Variants in CHCHD6 observed in about 807,000 individuals in gnomAD.
The protein encoded by CHCHD6 is coiled-coil-helix-coiled-coil-helix domain containing 6.
Under a neutral mutation model 32.3 loss-of-function variants are expected in CHCHD6, and 28 were observed. The observed-to-expected ratio is 0.87, with a 90% CI of 0.64 to 1.19. CHCHD6 has a LOEUF of 1.19. Ranked by LOEUF, CHCHD6 falls within the 50% of genes most tolerant of loss-of-function variation. The pLI, the probability that CHCHD6 is intolerant of heterozygous loss-of-function variation, is 0.00. For synonymous variants in CHCHD6, 122 were observed against 117.5 expected (o/e 1.04, Z -0.25); for missense variants, 333 against 307.0 (o/e 1.08, Z -0.63).
At chr3:126,748,511 C>G (rs960257097) in intron 4 of CHCHD6, among the ~76,000 whole-genome samples, 1 of 151,108 alleles carries the variant, frequency 6.6e-6, no homozygotes, top group African/African-American at 2.4e-5. Context: ...AGGAGACTTG[C>G]TTGAACCCGG....
chr3:126,731,295 A>C (rs1312163037), intron 3 of CHCHD6, among the ~76,000 whole-genome samples: 2 of 152,000 alleles, frequency 1.3e-5, no homozygotes, highest in African/African-American at 4.8e-5. Context: ...AGCACAGGCC[A>C]CGACCCCAAG....
chr3:126,957,220 G>A (rs2078798000), intron 6 of CHCHD6, 196 bp from the exon 7 acceptor site: 6 of 643,694 alleles, frequency 9.3e-6, no homozygotes, highest in Admixed American at 2.6e-5. Flanking sequence ...ACCCACCACA[G>A]GGCTTGACCC....
At chr3:126,769,229 C>T (rs1937495884) in intron 4 of CHCHD6, among the ~76,000 whole-genome samples, 1 of 152,156 alleles carries the variant, frequency 6.6e-6, no homozygotes, top group African/African-American at 2.4e-5. Flanking sequence ...TTCAGTATCA[C>T]TCTTCTGCAT....
intron 6 of CHCHD6, among the ~76,000 whole-genome samples, chr3:126,922,958 G>A (rs1411740849): frequency 6.6e-6 from 1 of 152,228 alleles, no homozygotes; most frequent in Non-Finnish European, 1.5e-5. Flanking sequence ...GGTTCTGTGG[G>A]TGGTGGGGTG....
chr3:126,836,481 A>G (rs952661382), intron 4 of CHCHD6, among the ~76,000 whole-genome samples: 34 of 151,964 alleles, frequency 2.2e-4, no homozygotes, highest in African/African-American at 8.0e-4. Context: ...GCCCTTCATC[A>G]CCATCTGACA....
At chr3:126,741,292 T>C (rs973204235) in intron 4 of CHCHD6, among the ~76,000 whole-genome samples, 1 of 152,126 alleles carries the variant, frequency 6.6e-6, no homozygotes, top group Non-Finnish European at 1.5e-5. Flanking sequence ...CTTCCACCCA[T>C]GTCTCCATGA....
chr3:126,909,853 C>G (rs2078061354), intron 5 of CHCHD6, among the ~76,000 whole-genome samples: 5 of 152,210 alleles, frequency 3.3e-5, no homozygotes, highest in Admixed American at 3.3e-4. Flanking sequence ...CAGCAGGGCT[C>G]CTTTACAGGC....
chr3:126,944,829 T>A (rs1408124968), intron 6 of CHCHD6, among the ~76,000 whole-genome samples: 2 of 152,166 alleles, frequency 1.3e-5, no homozygotes, highest in Non-Finnish European at 2.9e-5. Context: ...TGGGGGCAGT[T>A]GATGACAATC....
chr3:126,781,102 T>C (rs942909820), intron 4 of CHCHD6, among the ~76,000 whole-genome samples: 1 of 152,160 alleles, frequency 6.6e-6, no homozygotes, highest in Admixed American at 6.5e-5. Context: ...CAGCTTCCCC[T>C]GAGGCTGCCA....
chr3:126,875,651 G>C (rs2077530681), intron 5 of CHCHD6, among the ~76,000 whole-genome samples: 1 of 152,186 alleles, frequency 6.6e-6, no homozygotes, highest in Non-Finnish European at 1.5e-5. Context: ...AAATAAACCA[G>C]GCAGTTTAGA....
intron 5 of CHCHD6, among the ~76,000 whole-genome samples, chr3:126,861,492 CACCCCT>C (rs1180248844): frequency 1.3e-5 from 2 of 151,754 alleles, no homozygotes; most frequent in East Asian, 1.9e-4. Context: ...TTTCCATTCC[CACCCCT>C]GCCCCTGCCA....
chr3:126,786,544 A>G (rs1938222019), intron 4 of CHCHD6, among the ~76,000 whole-genome samples: 1 of 152,032 alleles, frequency 6.6e-6, no homozygotes, highest in South Asian at 2.1e-4. Flanking sequence ...ATGGTATCTC[A>G]TTGTGGTTTT....
intron 5 of CHCHD6, among the ~76,000 whole-genome samples, chr3:126,895,309 C>T (rs183885791): frequency 6.6e-6 from 1 of 152,286 alleles, no homozygotes. Flanking sequence ...CCTCTGAGAG[C>T]TATTTAGAAG....
chr3:126,801,338 A>G (rs1409235766), intron 4 of CHCHD6, among the ~76,000 whole-genome samples: 1 of 152,230 alleles, frequency 6.6e-6, no homozygotes, highest in Non-Finnish European at 1.5e-5. Flanking sequence ...CGGCACCTGG[A>G]AAATCGGGTC....
At chr3:126,710,303 G>T (rs569917928) in intron 1 of CHCHD6, among the ~76,000 whole-genome samples, 1 of 152,248 alleles carries the variant, frequency 6.6e-6, no homozygotes, top group East Asian at 1.9e-4. Context: ...TGATCTTTAT[G>T]TCTGTCCTTA....
intron 5 of CHCHD6, among the ~76,000 whole-genome samples, chr3:126,895,257 G>A (rs564946403): frequency 2.0e-5 from 3 of 152,324 alleles, no homozygotes; most frequent in African/African-American, 7.2e-5. Context: ...ATGGTGAGGT[G>A]ACTTGCCGGA....
At chr3:126,781,665 C>A (rs1226115148) in intron 4 of CHCHD6, among the ~76,000 whole-genome samples, 1 of 152,232 alleles carries the variant, frequency 6.6e-6, no homozygotes, top group African/African-American at 2.4e-5. Context: ...GGCAGCCCTG[C>A]TTTCAGAGCC....
intron 5 of CHCHD6, among the ~76,000 whole-genome samples, chr3:126,894,094 T>G: frequency 6.6e-6 from 1 of 152,256 alleles, no homozygotes; most frequent in East Asian, 1.9e-4. Flanking sequence ...TTGTCCTTCC[T>G]TCAGCTGGGA....
intron 5 of CHCHD6, among the ~76,000 whole-genome samples, chr3:126,859,581 C>T (rs1398708164): frequency 6.6e-6 from 1 of 152,150 alleles, no homozygotes; most frequent in East Asian, 1.9e-4. Flanking sequence ...ATGCTATGTG[C>T]CAGGCCCTCT....
Sources: gnomAD v4.1 joint callset for allele counts (sites outside exome capture counted in the v4.1 genomes callset) on GRCh38, gnomAD v4.1.1 for gene constraint, MANE v1.5 for transcripts, NCBI Gene and HGNC (gene_info 2026-07-23, HGNC 2026-07-21) for gene names.